RASSF8: variants seen among roughly 807,000 people sequenced by gnomAD.
RASSF8 encodes ras association domain-containing protein 8.
Under a neutral mutation model 48.5 loss-of-function variants are expected in RASSF8, and 22 were observed. The ratio of observed to expected loss-of-function variants is 0.45; its 90% CI spans 0.32 to 0.65. The LOEUF (loss-of-function observed/expected upper bound fraction) is 0.65. Among genes scored for constraint, RASSF8 ranks in the 30% least tolerant of loss-of-function variants. RASSF8 has a pLI of 0.03. For missense variants in RASSF8, 418 were observed against 489.2 expected (o/e 0.85, Z 1.37); for synonymous variants, 127 against 171.5 (o/e 0.74, Z 2.03).
At chr12:26,019,171 C>T (rs1030255578) in intron 2 of RASSF8, among the ~76,000 whole-genome samples, 17 of 152,076 alleles carry the variant, frequency 1.1e-4, no homozygotes, top group Admixed American at 5.2e-4. Context: ...TACTCTATTG[C>T]GCTATATTCT....
At chr12:26,065,813 C>A (rs552860498) in intron 4 of RASSF8, among the ~76,000 whole-genome samples, 27 of 152,306 alleles carry the variant, frequency 1.8e-4, no homozygotes, top group Admixed American at 6.5e-4. Flanking sequence ...TAAACAGCCC[C>A]CGTCCCTTCT....
rs1400245484 is a variant in RASSF8, at chr12:26,071,243, T to C, written c.*2425T>C. Reference sequence around the variant, plus strand: ...AGATACTTTAGTATATTTGTGATCATTTTTATCTATTGCAAATACAAATGA... The same window carrying C: ...AGATACTTTAGTATATTTGTGATCACTTTTATCTATTGCAAATACAAATGA... On this transcript the variant is annotated 3_prime_UTR_variant, in exon 6 of 6. Coordinates refer to ENST00000689635, the MANE Select transcript of RASSF8 (RefSeq NM_001394098.1). 1.0e-6 allele frequency: 1 copy of C among 983,822 alleles called. No individual in the cohort carries two copies. The highest frequency in any genetic ancestry group is 1.2e-6 in the Non-Finnish European group (1 of 828,598). The allele number at this position is 983,822 out of a possible 1,614,324, so 60.9% of individuals were successfully genotyped here.
Position 26,068,813 on chromosome 12 carries a change from G to A in RASSF8, c.1255G>A (p.Val419Ile). Residue 419 changes from valine (V) to isoleucine (I), a missense_variant, in exon 6 of 6, where the codon GTA (valine) becomes ATA (isoleucine). Transcript: ENST00000689635. ...SSGFNPEGIYV is the reference protein window; with the variant it reads ...SSGFNPEGIYI The stretch of plus-strand genomic sequence containing the variant: ...TGGTTTTAATCCTGAAGGCATATAT[G>A]TATGACATTATCTGTCTTTAGGGAG... The A allele has an allele frequency of 1.3e-6, 2 of 1,536,866 alleles. No homozygotes were observed. Among genetic ancestry groups the A allele is most frequent in the Non-Finnish European group, 1.7e-6 (2 of 1,146,634 alleles).
At chr12:26,040,821 G>A (rs1943247632) in intron 2 of RASSF8, among the ~76,000 whole-genome samples, 2 of 151,546 alleles carry the variant, frequency 1.3e-5, no homozygotes, top group Admixed American at 6.6e-5. Flanking sequence ...AGTTCAGTTT[G>A]TTAGACTATG....
At chr12:26,073,727 G>A (rs993154843), downstream of RASSF8, among the ~76,000 whole-genome samples, 7 of 48,398 alleles carry the variant, frequency 1.4e-4, no homozygotes, top group Admixed American at 5.7e-4. Flanking sequence ...CAACAAAAGC[G>A]AGACTCTCTC....
intron 1 of RASSF8, among the ~76,000 whole-genome samples, chr12:25,960,033 A>G (rs1330875999): frequency 6.6e-6 from 1 of 151,480 alleles, no homozygotes; most frequent in Admixed American, 6.6e-5. Flanking sequence ...TCAGGTTAGC[A>G]TTAAAGCATT....
At position 26,070,843 on chromosome 12, in the gene RASSF8, G is replaced by T; in HGVS notation, c.*2025G>T. On this transcript the variant is annotated 3_prime_UTR_variant, in exon 6 of 6. Transcript: ENST00000689635. ...AAACTTTGCAATTAGGAGTTTCAGA[G>T]ATGCCTTGGCATACCACGAAAAACA... 1 of 983,808 alleles carries T rather than the reference G, an allele frequency of 1.0e-6. No individual in the cohort carries two copies. Among genetic ancestry groups the T allele is most frequent in the Non-Finnish European group, 1.2e-6 (1 of 828,508 alleles). The allele number at this position is 983,808 out of a possible 1,614,324, so 60.9% of individuals were successfully genotyped here.
chr12:26,064,884 G>A lies in RASSF8; in HGVS notation c.490G>A (p.Asp164Asn). 6.2e-7 allele frequency: 1 copy of A among 1,614,232 alleles called. No individual in the cohort carries two copies. Among genetic ancestry groups the A allele is most frequent in the Non-Finnish European group, 8.5e-7 (1 of 1,180,052 alleles). ...GCTGAATAACTGCAAAACAACAGCA[G>A]ATGAGTTGAAGAAGCTAATCCGTCT... is the stretch of plus-strand genomic sequence containing the variant. ...KVLNNCKTTA[D>N]ELKKLIRLQT... The change falls in exon 4 of 6, where the codon GAT (aspartate) becomes AAT (asparagine). Residue 164 changes from aspartate to asparagine, a missense_variant. Asp to Asn is a conservative substitution (Grantham distance 23). Coordinates refer to ENST00000689635, the MANE Select transcript of RASSF8 (RefSeq NM_001394098.1).
intron 3 of RASSF8, among the ~76,000 whole-genome samples, chr12:26,062,174 A>G (rs16929998): frequency 0.13 from 19,100 of 152,214 alleles, 1,561 homozygotes; most frequent in Admixed American, 0.2. Context: ...AGAGAAGAGT[A>G]AGATTCCTAA....
chr12:26,011,567 C>G (rs1484429499), intron 2 of RASSF8, among the ~76,000 whole-genome samples: 1 of 152,106 alleles, frequency 6.6e-6, no homozygotes, highest in Non-Finnish European at 1.5e-5. Flanking sequence ...CCCCCGAATT[C>G]AAATGTTGAA....
At chr12:26,065,873 T>G (rs1180120764) in intron 4 of RASSF8, among the ~76,000 whole-genome samples, 2 of 152,162 alleles carry the variant, frequency 1.3e-5, no homozygotes, top group African/African-American at 4.8e-5. Context: ...GCACAAAGAT[T>G]TCTGTCTGAT....
intron 1 of RASSF8, among the ~76,000 whole-genome samples, chr12:25,986,362 A>C (rs1592234961): frequency 6.6e-6 from 1 of 152,300 alleles, no homozygotes; most frequent in African/African-American, 2.4e-5. Flanking sequence ...GGAGGTTATA[A>C]CTGTCCCAAG....
In RASSF8 at chr12:25,971,906, T is replaced by C. The variant is rs117491019; in HGVS notation, c.-203+12758T>C. 6.6e-3 allele frequency among the ~76,000 whole-genome samples: 1,005 copies of C among 152,304 alleles called. 8 individuals are homozygous for C. The highest frequency in any genetic ancestry group is 0.01 in the Non-Finnish European group (691 of 68,020). On this transcript the variant is annotated intron_variant, in intron 1 of 5. Coordinates refer to ENST00000689635, the MANE Select transcript of RASSF8 (RefSeq NM_001394098.1). ...CACGAGAGTGAGAAGTCCAGATTGG[T>C]TTAGTATTGCTTTCCCTGCTAGACT...
chr12:26,047,630 G>C (rs1565635462), intron 2 of RASSF8, among the ~76,000 whole-genome samples: 2 of 152,184 alleles, frequency 1.3e-5, no homozygotes, highest in Non-Finnish European at 2.9e-5. Flanking sequence ...TGGGCTGCCA[G>C]CTATGAAAGG....
chr12:26,038,752 GTT>G (rs1184600552), intron 2 of RASSF8, among the ~76,000 whole-genome samples: 1 of 151,942 alleles, frequency 6.6e-6, no homozygotes, highest in Admixed American at 6.6e-5. Context: ...CTAGGACATT[GTT>G]TTTGTTGGTT....
At chr12:26,041,183 TGC>T (rs1943257638) in intron 2 of RASSF8, among the ~76,000 whole-genome samples, 1 of 152,108 alleles carries the variant, frequency 6.6e-6, no homozygotes, top group African/African-American at 2.4e-5. Flanking sequence ...TGAGCCACCG[TGC>T]CTGGCCAGTA....
chr12:26,042,735 CAATT>C (rs1470256035), intron 2 of RASSF8, among the ~76,000 whole-genome samples: 1 of 151,946 alleles, frequency 6.6e-6, no homozygotes, highest in Admixed American at 6.6e-5. Context: ...TAAATTATTT[CAATT>C]AATTGTTTTA....
At chr12:25,981,757 T>G (rs1307482562) in intron 1 of RASSF8, among the ~76,000 whole-genome samples, 3 of 152,220 alleles carry the variant, frequency 2.0e-5, no homozygotes, top group African/African-American at 7.2e-5. Flanking sequence ...ACTCTCAGCC[T>G]TCCCTGAATG....
chr12:26,037,810 A>G (rs1203532674), intron 2 of RASSF8, among the ~76,000 whole-genome samples: 1 of 152,180 alleles, frequency 6.6e-6, no homozygotes, highest in Non-Finnish European at 1.5e-5. Context: ...GTGTCCTGAA[A>G]CCAAGAGCTT....
Sources: gnomAD v4.1 joint callset for allele counts (sites outside exome capture counted in the v4.1 genomes callset) on GRCh38, gnomAD v4.1.1 for gene constraint, MANE v1.5 for transcripts, NCBI Gene and HGNC (gene_info 2026-07-23, HGNC 2026-07-21) for gene names.